EDEM3: variants seen among roughly 807,000 people sequenced by gnomAD.
EDEM3 encodes the protein ER degradation enhancing alpha-mannosidase like protein 3, also known as ER degradation-enhancing alpha-mannosidase-like protein 3.
EDEM3 carries 60 observed loss-of-function variants against 110.2 expected under a neutral mutation model. That is an observed-to-expected ratio of 0.54 (90% CI 0.44 to 0.67). The LOEUF is 0.67. EDEM3 is among the 30% of genes least tolerant of loss of function. The pLI is 0.00. For missense variants in EDEM3, 996 were observed against 1,121.0 expected, an observed-to-expected ratio of 0.89 and a Z score of 1.59; for synonymous variants, 352 against 382.9, an observed-to-expected ratio of 0.92 and a Z score of 0.94.
At chr1:184,719,643 T>C in intron 9 of EDEM3, 75 bp from the exon 10 acceptor site, 1 of 1,401,514 alleles carries the variant, frequency 7.1e-7, no homozygotes, top group Non-Finnish European at 9.6e-7. Flanking sequence ...TAAATAGCAC[T>C]GTGAATAAAT....
chr1:184,746,168 T>C (rs538812874), intron 2 of EDEM3, among the ~76,000 whole-genome samples: 1 of 152,330 alleles, frequency 6.6e-6, no homozygotes, highest in East Asian at 1.9e-4. Flanking sequence ...TGCCAATAAG[T>C]GTTAAAAACC....
intron 13 of EDEM3, among the ~76,000 whole-genome samples, chr1:184,714,518 G>GA (rs936007704): frequency 8.6e-5 from 13 of 151,880 alleles, no homozygotes; most frequent in African/African-American, 3.1e-4. Context: ...GTAACCTGGA[G>GA]GACAGTGATA....
At chr1:184,718,114 T>C (rs1008639218) in intron 11 of EDEM3, among the ~76,000 whole-genome samples, 5 of 152,094 alleles carry the variant, frequency 3.3e-5, no homozygotes, top group Non-Finnish European at 7.4e-5. Context: ...TTATCTCACA[T>C]AGTTCTCTTT....
At chr1:184,699,872 G>A (rs550434262) in intron 19 of EDEM3, among the ~76,000 whole-genome samples, 51 of 151,834 alleles carry the variant, frequency 3.4e-4, no homozygotes, top group Admixed American at 2.7e-3. Context: ...TTTTTTCCCT[G>A]TGACAAATAC....
At chr1:184,727,383 G>T (rs1354378777) in intron 6 of EDEM3, among the ~76,000 whole-genome samples, 1 of 151,992 alleles carries the variant, frequency 6.6e-6, no homozygotes, top group African/African-American at 2.4e-5. Context: ...CAACAAAAAA[G>T]GAGGTATATG....
intron 6 of EDEM3, among the ~76,000 whole-genome samples, chr1:184,732,119 T>C (rs1467650191): frequency 6.6e-6 from 1 of 151,868 alleles, no homozygotes; most frequent in African/African-American, 2.4e-5. Flanking sequence ...GAGGTTGCAG[T>C]GAGCCGAGAT....
intron 18 of EDEM3, 67 bp from the exon 19 acceptor site, chr1:184,703,063 G>T: frequency 2.4e-6 from 3 of 1,231,724 alleles, no homozygotes; most frequent in East Asian, 2.8e-5. Flanking sequence ...TCTACTAATT[G>T]TTACTGATTT....
intron 1 of EDEM3, among the ~76,000 whole-genome samples, chr1:184,750,683 T>C (rs543659981): frequency 6.6e-6 from 1 of 152,032 alleles, no homozygotes; most frequent in Admixed American, 6.5e-5. Flanking sequence ...TGGCTAATTT[T>C]TGCATTTTCA....
rs1650026252 is a variant in EDEM3 at position 184,708,034 on chromosome 1, TTGAC to T, written c.2037+115_2037+118del. On this transcript the variant is annotated intron_variant, in intron 17 of 19. Coordinates refer to ENST00000318130, the MANE Select transcript of EDEM3 (RefSeq NM_025191.4). ...TTTTACTTTACTTAAATCCAGGAGATTGACTATTTCAGTTTTTTAAATAAATTAA... is the reference window on the plus strand; with the variant it reads ...TTTTACTTTACTTAAATCCAGGAGATTATTTCAGTTTTTTAAATAAATTAA... 46 of 913,222 alleles carry T rather than the reference TTGAC, an allele frequency of 5.0e-5. No homozygotes were observed. The South Asian group carries it at 9.7e-4, about 19-fold the overall frequency. The allele number at this position is 913,222 out of a possible 1,614,324, so 56.6% of individuals were successfully genotyped here. A position where few individuals can be genotyped will look rare whatever the true frequency, so the allele number is the denominator to read the frequency against.
At chr1:184,705,111 A>G (rs192069572) in intron 18 of EDEM3, among the ~76,000 whole-genome samples, 75 of 152,224 alleles carry the variant, frequency 4.9e-4, no homozygotes, top group African/African-American at 1.6e-3. Context: ...TGCATACTAT[A>G]GAAGATCATG....
intron 4 of EDEM3, among the ~76,000 whole-genome samples, 169 bp downstream of exon 4, chr1:184,736,856 C>A (rs1029573596): frequency 2.0e-5 from 3 of 152,134 alleles, no homozygotes; most frequent in Non-Finnish European, 2.9e-5. Context: ...TTACATAATT[C>A]CATTTGACAT....
chr1:184,696,540 G>C (rs1649341025), intron 19 of EDEM3, among the ~76,000 whole-genome samples: 2 of 151,746 alleles, frequency 1.3e-5, no homozygotes, highest in African/African-American at 4.8e-5. Flanking sequence ...TGATTAGATG[G>C]GATTACTTGA....
chr1:184,701,644 C>A, intron 19 of EDEM3: 6 of 724,560 alleles, frequency 8.3e-6, no homozygotes, highest in South Asian at 3.8e-5. Context: ...TGCCTAAATG[C>A]ATATATGTAG....
rs114387157 is a variant in EDEM3, at chr1:184,742,855, A to G, written c.205-5144T>C. ...AGAAGAAATACAAAAATTTTTTAAA[A>G]TTCCTAATGTATTTTGAAAGAATCT... is the stretch of plus-strand genomic sequence containing the variant. On this transcript the variant is annotated intron_variant, in intron 2 of 19. Transcript: ENST00000318130. Among the ~76,000 whole-genome samples the G allele has an allele frequency of 2.8e-3, 434 of 152,344 alleles. 5 individuals are homozygous for G. The East Asian group carries it at 0.036, about 13-fold the overall frequency.
chr1:184,735,037 A>G lies in EDEM3; in HGVS notation c.346-394T>C, dbSNP rs573307783. Among the ~76,000 whole-genome samples the G allele has an allele frequency of 2.0e-5, 3 of 152,302 alleles. No individual in the cohort carries two copies. In the South Asian group the frequency reaches 6.2e-4, roughly 32 times the overall value. Reference sequence around the variant, plus strand: ...GTTGCTTTTATTCTCAGAAGAAAGCACTTTCTTCAAGGCATGTTCAATTGT... The same window carrying G: ...GTTGCTTTTATTCTCAGAAGAAAGCGCTTTCTTCAAGGCATGTTCAATTGT... On this transcript the variant is annotated intron_variant, in intron 4 of 19. Transcript: ENST00000318130.
chr1:184,714,626 C>T (rs1448533732), intron 13 of EDEM3, among the ~76,000 whole-genome samples: 2 of 151,902 alleles, frequency 1.3e-5, no homozygotes, highest in African/African-American at 4.8e-5. Flanking sequence ...GGGGTCCAAC[C>T]AAAACTTCTT....
chr1:184,733,061 G>A, intron 5 of EDEM3, 71 bp from the exon 6 acceptor site: 7 of 1,467,618 alleles, frequency 4.8e-6, no homozygotes, highest in South Asian at 1.4e-5. Flanking sequence ...AAAAGGTGTG[G>A]GTACTTTGTT....
rs763462162 is a variant in EDEM3, at chr1:184,751,003, CCTGA to C, written c.159-1415_159-1412del. 3.9e-5 allele frequency among the ~76,000 whole-genome samples: 6 copies of C among 151,990 alleles called. No homozygotes were observed. The South Asian group carries it at 1.0e-3, about 26-fold the overall frequency. On this transcript the variant is annotated intron_variant, in intron 1 of 19. Transcript: ENST00000318130. ...AACAGAAAAGACCTCAGTTCCAGAT[CCTGA>C]CTATGAACACCAACAAAATCAAGTA...
chr1:184,736,395 T>G (rs1651825221), intron 4 of EDEM3, among the ~76,000 whole-genome samples: 1 of 152,150 alleles, frequency 6.6e-6, no homozygotes, highest in South Asian at 2.1e-4. Flanking sequence ...AGTTGAGAAT[T>G]ATGCCTTAAG....
Sources: gnomAD v4.1 joint callset for allele counts (sites outside exome capture counted in the v4.1 genomes callset) on GRCh38, gnomAD v4.1.1 for gene constraint, MANE v1.5 for transcripts, NCBI Gene and HGNC (gene_info 2026-07-23, HGNC 2026-07-21) for gene names.